MED13L: variants seen among roughly 807,000 people sequenced by gnomAD.
MED13L encodes mediator of RNA polymerase II transcription subunit 13-like.
A neutral mutation model predicts 220.9 loss-of-function variants in MED13L; 7 were observed. The observed-to-expected ratio is 0.03, with a 90% CI of 0.02 to 0.06. MED13L has a LOEUF of 0.06. Among genes scored for constraint, MED13L ranks in the 10% least tolerant of loss-of-function variants. The pLI, the probability that MED13L is intolerant of heterozygous loss-of-function variation, is 1.00. For missense variants in MED13L, 1,965 were observed against 2,760.5 expected, an observed-to-expected ratio of 0.71 and a Z score of 6.46; for synonymous variants, 1,011 against 1,015.2, an observed-to-expected ratio of 1.00 and a Z score of 0.08.
chr12:116,146,899 C>A (rs1877572347), intron 2 of MED13L, among the ~76,000 whole-genome samples: 3 of 151,546 alleles, frequency 2.0e-5, no homozygotes, highest in African/African-American at 2.4e-5. Context: ...AAGTAAAAAA[C>A]CAAAAATCTC....
intron 4 of MED13L, among the ~76,000 whole-genome samples, chr12:116,080,613 G>A (rs1022456649): frequency 2.6e-5 from 4 of 152,154 alleles, no homozygotes; most frequent in African/African-American, 9.7e-5. Context: ...TTCAGTATTA[G>A]ACTGTACTAC....
Position 115,959,121 on chromosome 12 carries a change from CAG to C in MED13L, c.*2143_*2144del, listed in dbSNP as rs1430109334. ...ATGCATATTTAAGGGAAATATTATA[CAG>C]ACTTTTTCACACAGAAGTACATAAT... On this transcript the variant is annotated 3_prime_UTR_variant, in exon 31 of 31. Transcript: ENST00000281928. 4 of 152,602 alleles carry C rather than the reference CAG, an allele frequency of 2.6e-5. No individual in the cohort carries two copies. Among genetic ancestry groups the C allele is most frequent in the Admixed American group, 6.5e-5 (1 of 15,274 alleles). 9.5% of individuals were successfully genotyped at this position (152,602 alleles called of 1,614,324 possible).
Position 115,986,287 on chromosome 12 carries a change from C to T in MED13L, c.4317G>A (p.Arg1439=). 3.1e-6 allele frequency: 5 copies of T among 1,614,028 alleles called. No individual in the cohort carries two copies. The highest frequency in any genetic ancestry group is 3.4e-6 in the Non-Finnish European group (4 of 1,179,994). The part of the protein sequence containing the change: ...ALLEGAKTFF[R]DLSAVYEMCR... ...TCACCTCGTATACAGCACTCAAGTCCCTGAAGAAAGTTTTGGCTCCTTCGA... is the reference window on the plus strand; with the variant it reads ...TCACCTCGTATACAGCACTCAAGTCTCTGAAGAAAGTTTTGGCTCCTTCGA... The change falls in exon 19 of 31, where the codon AGG becomes AGA. Residue 1439 remains arginine (R), a synonymous_variant. Coordinates refer to ENST00000281928, the MANE Select transcript of MED13L (RefSeq NM_015335.5).
chr12:116,229,924 T>C (rs1869392021), intron 2 of MED13L, among the ~76,000 whole-genome samples: 1 of 152,192 alleles, frequency 6.6e-6, no homozygotes, highest in African/African-American at 2.4e-5. Flanking sequence ...TGTAATTATT[T>C]AAAGAATCAG....
At chr12:116,106,663 G>A (rs1190181871) in intron 3 of MED13L, among the ~76,000 whole-genome samples, 1 of 152,076 alleles carries the variant, frequency 6.6e-6, no homozygotes, top group Admixed American at 6.5e-5. Context: ...TGGCCAACAT[G>A]GTGATACCCC....
chr12:115,983,564 T>C (rs1375164737), intron 20 of MED13L, 24 bp from the exon 21 acceptor site: 2 of 1,612,362 alleles, frequency 1.2e-6, no homozygotes, highest in African/African-American at 2.7e-5. Flanking sequence ...TGCAAAGAGG[T>C]GACTTTAGTG....
chr12:116,220,455 T>C (rs1387111426), intron 2 of MED13L, among the ~76,000 whole-genome samples: 1 of 152,084 alleles, frequency 6.6e-6, no homozygotes, highest in Non-Finnish European at 1.5e-5. Flanking sequence ...TCCCAACACT[T>C]TGGGAGGCCG....
At chr12:116,105,358 A>C (rs920876339) in intron 3 of MED13L, among the ~76,000 whole-genome samples, 2 of 152,232 alleles carry the variant, frequency 1.3e-5, no homozygotes, top group African/African-American at 4.8e-5. Flanking sequence ...GAGACTCTAC[A>C]TAAGTAAAAA....
intron 4 of MED13L, among the ~76,000 whole-genome samples, chr12:116,076,870 G>A (rs966007580): frequency 2.6e-5 from 4 of 152,166 alleles, no homozygotes; most frequent in African/African-American, 9.7e-5. Context: ...TACATCTTGG[G>A]CCCAAAGGGC....
intron 25 of MED13L, among the ~76,000 whole-genome samples, chr12:115,974,698 C>T (rs1876814897): frequency 6.6e-6 from 1 of 152,190 alleles, no homozygotes; most frequent in Non-Finnish European, 1.5e-5. Flanking sequence ...CCTCTACTGG[C>T]AACTACTTGT....
At chr12:116,262,261 C>A (rs924386598) in intron 1 of MED13L, among the ~76,000 whole-genome samples, 2 of 152,116 alleles carry the variant, frequency 1.3e-5, no homozygotes, top group African/African-American at 2.4e-5. Flanking sequence ...TACCACCAAA[C>A]TCAAACTTTT....
At chr12:116,005,534 C>T (rs1464767891) in intron 13 of MED13L, among the ~76,000 whole-genome samples, 2 of 152,130 alleles carry the variant, frequency 1.3e-5, no homozygotes, top group African/African-American at 4.8e-5. Context: ...TAATACATTT[C>T]TAGTAGTCCT....
At chr12:116,150,772 A>G (rs1052351304) in intron 2 of MED13L, among the ~76,000 whole-genome samples, 1 of 152,236 alleles carries the variant, frequency 6.6e-6, no homozygotes, top group Non-Finnish European at 1.5e-5. Context: ...TTACGGAAAG[A>G]TACAAGCTTT....
chr12:116,108,390 A>AGGGGGGGG (rs35576412), intron 3 of MED13L, among the ~76,000 whole-genome samples: 5 of 41,244 alleles, frequency 1.2e-4, no homozygotes, highest in African/African-American at 3.9e-4. Flanking sequence ...TTTAAAAGAA[A>AGGGGGGGG]GGGGGGGGGG....
chr12:116,020,899 C>G (rs937841366), intron 5 of MED13L, among the ~76,000 whole-genome samples: 4 of 151,878 alleles, frequency 2.6e-5, no homozygotes, highest in African/African-American at 9.7e-5. Context: ...TTTTAAAGAG[C>G]TAGATCATAT....
At chr12:116,241,336 A>C (rs1870626287) in intron 1 of MED13L, among the ~76,000 whole-genome samples, 1 of 151,100 alleles carries the variant, frequency 6.6e-6, no homozygotes, top group African/African-American at 2.4e-5. Flanking sequence ...AAAAAACAAA[A>C]AAAAAACACA....
intron 4 of MED13L, among the ~76,000 whole-genome samples, chr12:116,086,637 G>A (rs1468257934): frequency 1.3e-5 from 2 of 152,008 alleles, no homozygotes; most frequent in African/African-American, 4.8e-5. Flanking sequence ...TTATACAACT[G>A]TTAATAAAAT....
At chr12:116,087,598 T>C (rs1450368695) in intron 4 of MED13L, among the ~76,000 whole-genome samples, 4 of 152,168 alleles carry the variant, frequency 2.6e-5, no homozygotes. Context: ...AACAGCACAC[T>C]ACGAATCAAA....
At chr12:116,073,985 C>T (rs1401752985) in intron 4 of MED13L, among the ~76,000 whole-genome samples, 1 of 152,202 alleles carries the variant, frequency 6.6e-6, no homozygotes, top group African/African-American at 2.4e-5. Context: ...TGACTGCTAA[C>T]AGGGTCATGT....
Sources: allele counts gnomAD v4.1 joint callset (sites outside exome capture counted in the v4.1 genomes callset), GRCh38; gene constraint gnomAD v4.1.1; transcripts MANE v1.5; gene names NCBI Gene and HGNC (gene_info 2026-07-23, HGNC 2026-07-21).